Variants in PRR5 observed in about 807,000 individuals in gnomAD.
The protein encoded by PRR5 is proline rich 5.
PRR5 carries 25 observed loss-of-function variants against 30.6 expected under a neutral mutation model. The ratio of observed to expected loss-of-function variants is 0.82; its 90% confidence interval spans 0.60 to 1.14. PRR5 has a LOEUF of 1.14. Among genes scored for constraint, PRR5 ranks in the 50% most tolerant of loss-of-function variants. The probability of loss-of-function intolerance (pLI) is 0.00; values close to 1 mark genes in which losing one functional copy is unlikely to be tolerated. For missense variants in PRR5, 600 were observed against 547.1 expected (o/e 1.10, Z -0.96); for synonymous variants, 286 against 247.1 (o/e 1.16, Z -1.48).
chr22:44,720,632 C>T (rs373220671), intron 2 of PRR5, among the ~76,000 whole-genome samples: 4 of 152,212 alleles, frequency 2.6e-5, no homozygotes, highest in Admixed American at 6.5e-5. Context: ...ACGAGGCCTT[C>T]GGCAGCATTC....
chr22:44,721,038 C>T (rs1376341246), intron 2 of PRR5, among the ~76,000 whole-genome samples: 1 of 152,160 alleles, frequency 6.6e-6, no homozygotes, highest in Non-Finnish European at 1.5e-5. Context: ...TCATCATGGG[C>T]AGGGAGAAGA....
At chr22:44,733,396 G>A (rs962383834) in intron 6 of PRR5, among the ~76,000 whole-genome samples, 2 of 152,232 alleles carry the variant, frequency 1.3e-5, no homozygotes, top group African/African-American at 2.4e-5. Context: ...GCTCTCGCAG[G>A]TGCAAAGCCC....
upstream of PRR5, among the ~76,000 whole-genome samples, chr22:44,673,219 C>T (rs1923525833): frequency 6.6e-6 from 1 of 152,232 alleles, no homozygotes; most frequent in Admixed American, 6.5e-5. Flanking sequence ...CCAGAAGACC[C>T]GAGTTCTGGC....
intron 2 of PRR5, among the ~76,000 whole-genome samples, chr22:44,723,347 G>C (rs892498582): frequency 6.6e-6 from 1 of 152,046 alleles, no homozygotes; most frequent in African/African-American, 2.4e-5. Context: ...CATAACCAAC[G>C]TATTTTACTG....
At chr22:44,680,016 A>AT in intron 1 of PRR5, 1 of 770,222 alleles carries the variant, frequency 1.3e-6, no homozygotes, top group Non-Finnish European at 2.1e-6. Context: ...GCTGGACCTC[A>AT]GCCTGAGTGA....
chr22:44,736,831 C>A lies in PRR5; in HGVS notation c.751C>A (p.Arg251Ser). ...CGTGCTGGCCAAGAACCCTGTGGTG[C>A]GCTCCAAGAGCTACAACACGCCTCT... The part of the protein sequence containing the change: ...GDVLAKNPVV[R>S]SKSYNTPLLN... Residue 251 changes from arginine (R) to serine (S), a missense_variant, in exon 8 of 8, where the codon CGC (arginine) becomes AGC (serine). Transcript: ENST00000336985. 1 of 1,592,738 alleles carries A rather than the reference C, an allele frequency of 6.3e-7. No homozygotes were observed. The highest frequency in any genetic ancestry group is 1.1e-5 in the South Asian group (1 of 90,316).
chr22:44,736,887 G>T lies in PRR5; in HGVS notation c.807G>T (p.Glu269Asp), dbSNP rs776625029. Residue 269 changes from glutamate to aspartate, a missense_variant, in exon 8 of 8, where the codon GAG (glutamate) becomes GAT (aspartate). Coordinates refer to ENST00000336985, the MANE Select transcript of PRR5 (RefSeq NM_181333.4). Reference protein sequence around the residue: ...LLNPVQEHEAEGAAAGGTSIR... With the variant: ...LLNPVQEHEADGAAAGGTSIR... Reference sequence around the variant, plus strand: ...ACCCCGTGCAGGAGCACGAGGCGGAGGGCGCGGCGGCCGGCGGTACCAGCA... The same window carrying T: ...ACCCCGTGCAGGAGCACGAGGCGGATGGCGCGGCGGCCGGCGGTACCAGCA... 1.9e-6 allele frequency: 3 copies of T among 1,609,482 alleles called. No individual in the cohort carries two copies. The highest frequency in any genetic ancestry group is 2.5e-6 in the Non-Finnish European group (3 of 1,178,686).
intron 1 of PRR5, among the ~76,000 whole-genome samples, chr22:44,688,726 G>A (rs541889635): frequency 5.8e-4 from 89 of 152,142 alleles, no homozygotes; most frequent in African/African-American, 1.8e-3. Context: ...TGTGGCTCAC[G>A]CCTGTAATTC....
intron 2 of PRR5, among the ~76,000 whole-genome samples, chr22:44,715,232 G>A (rs2147082522): frequency 6.6e-6 from 1 of 152,296 alleles, no homozygotes; most frequent in South Asian, 2.1e-4. Flanking sequence ...GCCATTTGTA[G>A]TGGAGGAGGC....
upstream of PRR5, among the ~76,000 whole-genome samples, chr22:44,673,145 G>T (rs1441546020): frequency 6.6e-6 from 1 of 152,244 alleles, no homozygotes; most frequent in Non-Finnish European, 1.5e-5. Context: ...GCCCAGAAGA[G>T]AATCCAGGCC....
At chr22:44,721,451 A>G (rs560588188) in intron 2 of PRR5, among the ~76,000 whole-genome samples, 49 of 152,194 alleles carry the variant, frequency 3.2e-4, no homozygotes, top group Non-Finnish European at 6.2e-4. Context: ...GACCCATCAG[A>G]AGCTGAAGTT....
chr22:44,722,406 G>A (rs996550871), intron 2 of PRR5, among the ~76,000 whole-genome samples: 10 of 152,236 alleles, frequency 6.6e-5, no homozygotes, highest in African/African-American at 1.2e-4. Flanking sequence ...CTGTGCTTCC[G>A]TGCACCTGCA....
chr22:44,723,768 A>G (rs1244467186), intron 2 of PRR5, among the ~76,000 whole-genome samples: 3 of 152,216 alleles, frequency 2.0e-5, no homozygotes, highest in Non-Finnish European at 4.4e-5. Flanking sequence ...TACTTTGAGC[A>G]GTGTTTGCCC....
chr22:44,703,988 T>A (rs1926787773), intron 1 of PRR5, among the ~76,000 whole-genome samples: 1 of 152,230 alleles, frequency 6.6e-6, no homozygotes, highest in South Asian at 2.1e-4. Flanking sequence ...TAGACTTATT[T>A]CAAATCCCAA....
intron 2 of PRR5, among the ~76,000 whole-genome samples, chr22:44,721,566 G>C (rs1372749350): frequency 6.6e-6 from 1 of 152,234 alleles, no homozygotes; most frequent in Non-Finnish European, 1.5e-5. Flanking sequence ...GAAAAGAGGG[G>C]TTGCAAAGGA....
At chr22:44,671,333 G>C (rs1036508637) in intron 1 of PRR5, among the ~76,000 whole-genome samples, 6 of 152,222 alleles carry the variant, frequency 3.9e-5, no homozygotes, top group Non-Finnish European at 7.3e-5. Context: ...TTGGTGACAA[G>C]ACAGCCCTCA....
chr22:44,729,589 G>T, intron 4 of PRR5: 1 of 985,446 alleles, frequency 1.0e-6, no homozygotes. Context: ...CATAGAGGAT[G>T]CCACTGAGTC....
chr22:44,732,773 CTGTGTGCACGCACATACTACA>C (rs763812081), intron 6 of PRR5, among the ~76,000 whole-genome samples: 3 of 107,588 alleles, frequency 2.8e-5, no homozygotes, highest in African/African-American at 1.5e-4. Context: ...ACACACATGC[CTGTGTGCACGCACATACTACA>C]TGTGCACACG....
upstream of PRR5, among the ~76,000 whole-genome samples, chr22:44,700,120 C>T (rs770826101): frequency 5.3e-5 from 8 of 152,094 alleles, no homozygotes; most frequent in Admixed American, 3.9e-4. Context: ...AGTTTGAGAC[C>T]AGCCTGGGCA....
Sources: allele counts gnomAD v4.1 joint callset (sites outside exome capture counted in the v4.1 genomes callset), GRCh38; gene constraint gnomAD v4.1.1; transcripts MANE v1.5; gene names NCBI Gene and HGNC (gene_info 2026-07-23, HGNC 2026-07-21).